ECE1: variants seen among roughly 807,000 people sequenced by gnomAD.
ECE1 encodes endothelin-converting enzyme 1.
A neutral mutation model predicts 98.6 loss-of-function variants in ECE1; 35 were observed. That is an observed-to-expected ratio of 0.35 (90% CI 0.27 to 0.47). The LOEUF (loss-of-function observed/expected upper bound fraction) is 0.47, where lower values mean the gene tolerates loss of function less well. ECE1 is among the 20% of genes least tolerant of loss of function. ECE1 has a pLI of 1.00. For missense variants in ECE1, 814 were observed against 1,025.3 expected, an observed-to-expected ratio of 0.79 and a Z score of 2.81; for synonymous variants, 394 against 407.1, an observed-to-expected ratio of 0.97 and a Z score of 0.39.
chr1:21,254,167 C>A (rs944072556), intron 8 of ECE1, among the ~76,000 whole-genome samples: 1 of 151,400 alleles, frequency 6.6e-6, no homozygotes, highest in Non-Finnish European at 1.5e-5. Context: ...GGTGAGTGAA[C>A]GAGCCAAGCC....
chr1:21,227,293 A>AG, intron 15 of ECE1, 67 bp from the exon 16 acceptor site: 1 of 1,482,430 alleles, frequency 6.7e-7, no homozygotes, highest in Non-Finnish European at 9.4e-7. Context: ...TTGCTCAGGT[A>AG]TGTGACCCTC....
At chr1:21,255,653 C>T (rs2098218938) in intron 8 of ECE1, among the ~76,000 whole-genome samples, 1 of 152,194 alleles carries the variant, frequency 6.6e-6, no homozygotes, top group Non-Finnish European at 1.5e-5. Context: ...TCAATGTAAG[C>T]TGGTGTGGTC....
chr1:21,233,460 C>T lies in ECE1; in HGVS notation c.1670+98G>A, dbSNP rs56130808. 2.2e-4 allele frequency: 233 copies of T among 1,046,034 alleles called. No individual in the cohort carries two copies. Among genetic ancestry groups the T allele is most frequent in the Non-Finnish European group, 1.3e-4 (87 of 687,328 alleles). 64.8% of individuals were successfully genotyped at this position (1,046,034 alleles called of 1,614,324 possible). On this transcript the variant is annotated intron_variant, in intron 14 of 18. Transcript: ENST00000374893. The surrounding 1 kb of genome is among the most constrained non-coding windows in gnomAD (Gnocchi z 4.0). ...TCAGACGGCTCTCGTGATAGCTGAT[C>T]GGGTGCACAGTGAGGGTGCAATGAA...
chr1:21,297,248 C>T (rs1311549114), intron 1 of ECE1, among the ~76,000 whole-genome samples: 1 of 152,192 alleles, frequency 6.6e-6, no homozygotes, highest in African/African-American at 2.4e-5. Flanking sequence ...TGTTGCTGGC[C>T]CATTCTTCAG....
intron 10 of ECE1, among the ~76,000 whole-genome samples, chr1:21,244,657 G>A (rs3026892): frequency 2.6e-5 from 4 of 152,138 alleles, no homozygotes; most frequent in Admixed American, 2.0e-4. Context: ...AGGACCAGGT[G>A]CTGTTCTGTG....
Position 21,260,165 on chromosome 1 carries a change from T to C in ECE1, c.615+106A>G, listed in dbSNP as rs539086916. 1.3e-6 allele frequency: 2 copies of C among 1,511,700 alleles called. No individual in the cohort carries two copies. The highest frequency in any genetic ancestry group is 1.8e-6 in the Non-Finnish European group (2 of 1,088,726). The allele number at this position is 1,511,700 out of a possible 1,614,324, so 93.6% of individuals were successfully genotyped here. A position where few individuals can be genotyped will look rare whatever the true frequency, so the allele number is the denominator to read the frequency against. ...CTGTCTTTCTCTTGGTGCTACCGGC[T>C]GGACGTATGAGGTGGGCCAGTGGTA... is the stretch of plus-strand genomic sequence containing the variant. On this transcript the variant is annotated intron_variant, in intron 5 of 18. Coordinates refer to ENST00000374893, the MANE Select transcript of ECE1 (RefSeq NM_001397.3). This position sits in a 1 kb window ranked among gnomAD's most constrained non-coding sequence, Gnocchi z 4.3.
intron 8 of ECE1, among the ~76,000 whole-genome samples, chr1:21,253,181 C>A (rs899429422): frequency 6.6e-6 from 1 of 151,884 alleles, no homozygotes. Context: ...CTCAGCCTAC[C>A]GAGTAGCTGG....
upstream of ECE1, among the ~76,000 whole-genome samples, chr1:21,291,647 G>T (rs540903917): frequency 6.6e-6 from 1 of 152,276 alleles, no homozygotes; most frequent in East Asian, 1.9e-4. Flanking sequence ...CCAACATGAT[G>T]AAACCCCATC....
intron 18 of ECE1, 56 bp downstream of exon 18, chr1:21,221,691 G>A: frequency 6.3e-7 from 1 of 1,581,906 alleles, no homozygotes; most frequent in South Asian, 1.1e-5. Flanking sequence ...CTGGGCTCTT[G>A]AAACATCAAG....
chr1:21,250,071 G>A (rs1558386476), intron 8 of ECE1, among the ~76,000 whole-genome samples: 1 of 151,754 alleles, frequency 6.6e-6, no homozygotes, highest in East Asian at 1.9e-4. Context: ...AAGCCACCGC[G>A]TCTGGCCCCA....
At chr1:21,311,686 ACATCT>A (rs1638727790) in intron 1 of ECE1, among the ~76,000 whole-genome samples, 2 of 151,928 alleles carry the variant, frequency 1.3e-5, no homozygotes, top group African/African-American at 4.8e-5. Flanking sequence ...GTGGTGGTGC[ACATCT>A]GTAGTCCCAG....
intron 1 of ECE1, among the ~76,000 whole-genome samples, chr1:21,338,793 G>A (rs1182333299): frequency 6.6e-6 from 1 of 152,248 alleles, no homozygotes; most frequent in East Asian, 1.9e-4. Flanking sequence ...AGCTGGATGG[G>A]CAGCTGGAGG....
Position 21,241,459 on chromosome 1 carries a change from G to A in ECE1, c.1279-3215C>T, listed in dbSNP as rs139477632. ...TTTTTTTGAGATGCAGTCTTGCTCC[G>A]TCTATCAGGTTGGAGTGCAGTGGTG... is the stretch of plus-strand genomic sequence containing the variant. On this transcript the variant is annotated intron_variant, in intron 10 of 18. Coordinates refer to ENST00000374893, the MANE Select transcript of ECE1 (RefSeq NM_001397.3). Among the ~76,000 whole-genome samples, 765 of 141,330 alleles carry A rather than the reference G, an allele frequency of 5.4e-3. 7 individuals are homozygous for A. The highest frequency in any genetic ancestry group is 0.02 in the African/African-American group (731 of 36,952). The allele number at this position is 141,330 out of a possible 152,430, so 92.7% of individuals were successfully genotyped here.
chr1:21,223,931 C>T (rs987016103), intron 17 of ECE1, among the ~76,000 whole-genome samples: 2 of 152,166 alleles, frequency 1.3e-5, no homozygotes, highest in Admixed American at 1.3e-4. Context: ...TGAATCATGT[C>T]ATTCCTCTAT....
chr1:21,303,691 C>T (rs541411284), intron 1 of ECE1, among the ~76,000 whole-genome samples: 7 of 152,262 alleles, frequency 4.6e-5, no homozygotes, highest in African/African-American at 1.4e-4. Flanking sequence ...ATCTGTCCCT[C>T]AGGCTGGAGT....
At chr1:21,223,558 C>G (rs929778130) in intron 17 of ECE1, among the ~76,000 whole-genome samples, 16 of 152,334 alleles carry the variant, frequency 1.1e-4, no homozygotes, top group Non-Finnish European at 2.2e-4. Flanking sequence ...CCTCCACCTT[C>G]CGGGTTCAAG....
Position 21,233,193 on chromosome 1 carries a change from A to C in ECE1, c.1670+365T>G. 1 of 220,848 alleles carries C rather than the reference A, an allele frequency of 4.5e-6. No individual in the cohort carries two copies. Among genetic ancestry groups the C allele is most frequent in the African/African-American group, 2.3e-5 (1 of 43,828 alleles). The allele number at this position is 220,848 out of a possible 1,614,324, so 13.7% of individuals were successfully genotyped here. A position where few individuals can be genotyped will look rare whatever the true frequency, so the allele number is the denominator to read the frequency against. On this transcript the variant is annotated intron_variant, in intron 14 of 18. Coordinates refer to ENST00000374893, the MANE Select transcript of ECE1 (RefSeq NM_001397.3). This position sits in a 1 kb window ranked among gnomAD's most constrained non-coding sequence, Gnocchi z 4.0. ...CGCTCCCCAGAGGTCCTCACATTTGACTGCCATGAGGACCCCAGAACCAGC... is the reference window on the plus strand; with the variant it reads ...CGCTCCCCAGAGGTCCTCACATTTGCCTGCCATGAGGACCCCAGAACCAGC...
intron 1 of ECE1, among the ~76,000 whole-genome samples, chr1:21,295,609 C>T (rs1374612739): frequency 1.3e-5 from 2 of 152,164 alleles, no homozygotes; most frequent in African/African-American, 4.8e-5. Flanking sequence ...TCTTTGGCTG[C>T]CAGGAAACTC....
intron 1 of ECE1, among the ~76,000 whole-genome samples, chr1:21,344,758 G>A (rs1218578523): frequency 1.3e-5 from 2 of 152,210 alleles, no homozygotes; most frequent in African/African-American, 4.8e-5. Flanking sequence ...AGACCGGATC[G>A]CTGGGTGCAG....
Sources: allele counts gnomAD v4.1 joint callset (sites outside exome capture counted in the v4.1 genomes callset), GRCh38; gene constraint gnomAD v4.1.1; non-coding constraint Gnocchi (gnomAD v3.1); transcripts MANE v1.5; gene names NCBI Gene and HGNC (gene_info 2026-07-23, HGNC 2026-07-21).